Variants in YTHDC1 observed in about 807,000 individuals in gnomAD.
The protein encoded by YTHDC1 is YTH N6-methyladenosine RNA binding protein C1.
A neutral mutation model predicts 107.0 loss-of-function variants in YTHDC1; 12 were observed. The observed-to-expected ratio is 0.11, with a 90% CI of 0.07 to 0.18. The LOEUF (loss-of-function observed/expected upper bound fraction) is 0.18. Among genes scored for constraint, YTHDC1 ranks in the 10% least tolerant of loss-of-function variants. The probability of loss-of-function intolerance (pLI) is 1.00; values close to 1 mark genes in which losing one functional copy is unlikely to be tolerated. For missense variants in YTHDC1, 635 were observed against 898.8 expected (o/e 0.71, Z 3.75); for synonymous variants, 280 against 289.5 (o/e 0.97, Z 0.33).
At chr4:68,342,341 C>T (rs1440534495) in intron 1 of YTHDC1, among the ~76,000 whole-genome samples, 2 of 151,934 alleles carry the variant, frequency 1.3e-5, no homozygotes, top group East Asian at 3.9e-4. Flanking sequence ...TTACTCATTA[C>T]TATGGCAACC....
chr4:68,349,877 G>A lies in YTHDC1; in HGVS notation c.-124C>T. ...GTCCGTCTGCCCGGATACGCGCGTC[G>A]CACTTGGCCTCTTAACACTCAGCCT... On this transcript the variant is annotated 5_prime_UTR_variant, in exon 1 of 17. Transcript: ENST00000344157. 1 of 1,364,942 alleles carries A rather than the reference G, an allele frequency of 7.3e-7. No homozygotes were observed. The highest frequency in any genetic ancestry group is 1.0e-6 in the Non-Finnish European group (1 of 972,930). 84.6% of individuals were successfully genotyped at this position (1,364,942 alleles called of 1,614,324 possible). A position where few individuals can be genotyped will look rare whatever the true frequency, so the allele number is the denominator to read the frequency against.
intron 1 of YTHDC1, among the ~76,000 whole-genome samples, chr4:68,342,188 C>T (rs1283875358): frequency 6.6e-6 from 1 of 152,066 alleles, no homozygotes; most frequent in Non-Finnish European, 1.5e-5. Flanking sequence ...AGGGCTCAAC[C>T]GGGGTCTCCC....
intron 16 of YTHDC1, among the ~76,000 whole-genome samples, chr4:68,314,630 G>A (rs1426126441): frequency 2.0e-5 from 3 of 152,144 alleles, no homozygotes; most frequent in African/African-American, 4.8e-5. Context: ...CCTTCAGTAA[G>A]ATTTAGGCCA....
At chr4:68,324,093 G>A in intron 10 of YTHDC1, 46 bp downstream of exon 10, 2 of 1,517,630 alleles carry the variant, frequency 1.3e-6, no homozygotes, top group Non-Finnish European at 1.8e-6. Flanking sequence ...TCTCTAAAAG[G>A]GTTGATTAAA....
intron 9 of YTHDC1, among the ~76,000 whole-genome samples, chr4:68,325,081 AAAAT>A (rs933400664): frequency 2.5e-4 from 38 of 152,334 alleles, no homozygotes; most frequent in African/African-American, 9.1e-4. Context: ...AAATAATGCC[AAAAT>A]AAATAAACAC....
chr4:68,320,451 G>A (rs1018295365), intron 11 of YTHDC1, among the ~76,000 whole-genome samples: 2 of 152,034 alleles, frequency 1.3e-5, no homozygotes, highest in African/African-American at 2.4e-5. Flanking sequence ...TGAGAAAATT[G>A]CAGACTAGTC....
At chr4:68,341,654 CAA>C (rs1265608070) in intron 1 of YTHDC1, among the ~76,000 whole-genome samples, 1 of 151,562 alleles carries the variant, frequency 6.6e-6, no homozygotes, top group Non-Finnish European at 1.5e-5. Context: ...TGGCCCTTTA[CAA>C]AGAGTTTTGC....
chr4:68,347,804 G>A (rs534744600), intron 1 of YTHDC1, among the ~76,000 whole-genome samples: 1 of 152,240 alleles, frequency 6.6e-6, no homozygotes, highest in Non-Finnish European at 1.5e-5. Flanking sequence ...TAACTATAAA[G>A]CTAAGTGTGT....
intron 1 of YTHDC1, 44 bp downstream of exon 1, chr4:68,349,682 G>A: frequency 1.3e-6 from 2 of 1,491,236 alleles, no homozygotes; most frequent in Non-Finnish European, 1.8e-6. Flanking sequence ...CCCCACTCCC[G>A]GGCCCCAGCC....
In YTHDC1 at chr4:68,337,812, T is replaced by C. The variant is rs1724375619; in HGVS notation, c.219A>G (p.Pro73=). 2 of 1,614,112 alleles carry C rather than the reference T, an allele frequency of 1.2e-6. No individual in the cohort carries two copies. The highest frequency in any genetic ancestry group is 1.7e-5 in the Admixed American group (1 of 60,006). ...TGTTATTGCTAACAGATGAGCTCAG[T>C]GGCTTAGAAACCAGTTGTCTAGAAT... ...SVHSRQLVSK[P]LSSSVSNNKR... is the part of the protein sequence containing the mutation. The change falls in exon 3 of 17, where the codon CCA becomes CCG. Residue 73 remains proline (P), a synonymous_variant. Coordinates refer to ENST00000344157, the MANE Select transcript of YTHDC1 (RefSeq NM_001031732.4).
intron 1 of YTHDC1, among the ~76,000 whole-genome samples, chr4:68,342,409 G>A (rs146860957): frequency 4.1e-4 from 62 of 151,964 alleles, no homozygotes; most frequent in African/African-American, 1.2e-3. Context: ...CAACAGAGAC[G>A]GGAACAGGTA....
In YTHDC1 at chr4:68,311,941, G is replaced by A. The variant is rs889407091; in HGVS notation, c.*2158C>T. 6.6e-6 allele frequency: 1 copy of A among 152,126 alleles called. No homozygotes were observed. The highest frequency in any genetic ancestry group is 1.5e-5 in the Non-Finnish European group (1 of 68,042). The allele number at this position is 152,126 out of a possible 1,614,324, so 9.4% of individuals were successfully genotyped here. ...GGCAGGTGAGGTCACTTGAGGTCGA[G>A]TTTGAGACCAGCCTGGCCAACATGT... is the stretch of plus-strand genomic sequence containing the variant. On this transcript the variant is annotated 3_prime_UTR_variant, in exon 17 of 17. Transcript: ENST00000344157.
At chr4:68,333,237 A>G (rs1723785159) in intron 5 of YTHDC1, 71 bp downstream of exon 5, 3 of 1,199,770 alleles carry the variant, frequency 2.5e-6, no homozygotes, top group African/African-American at 3.1e-5. Context: ...ACACTAAACT[A>G]CAGCCTCCAC....
Position 68,313,778 on chromosome 4 carries a change from A to G in YTHDC1, c.*321T>C. 1 of 284,482 alleles carries G rather than the reference A, an allele frequency of 3.5e-6. No individual in the cohort carries two copies. The highest frequency in any genetic ancestry group is 7.3e-5 in the South Asian group (1 of 13,646). 17.6% of individuals were successfully genotyped at this position (284,482 alleles called of 1,614,324 possible). A position where few individuals can be genotyped will look rare whatever the true frequency, so the allele number is the denominator to read the frequency against. ...CAATCAAGATCCAAAAAGGAAAAAA[A>G]CAAACAAAAAAATAACTCTAGGATG... On this transcript the variant is annotated 3_prime_UTR_variant, in exon 17 of 17. Coordinates refer to ENST00000344157, the MANE Select transcript of YTHDC1 (RefSeq NM_001031732.4).
In YTHDC1 at chr4:68,312,932, C is replaced by G. The variant is rs1028841281; in HGVS notation, c.*1167G>C. 1 of 152,164 alleles carries G rather than the reference C, an allele frequency of 6.6e-6. No individual in the cohort carries two copies. Among genetic ancestry groups the G allele is most frequent in the African/African-American group, 2.4e-5 (1 of 41,452 alleles). 9.4% of individuals were successfully genotyped at this position (152,164 alleles called of 1,614,324 possible). On this transcript the variant is annotated 3_prime_UTR_variant, in exon 17 of 17. Transcript: ENST00000344157. The stretch of plus-strand genomic sequence containing the variant: ...GTTGGTTACCACTGGGAGAACTGGA[C>G]AGTTAACTTAAAATACAGAACTAAT...
In YTHDC1 at chr4:68,312,019, T is replaced by C; in HGVS notation, c.*2080A>G. On this transcript the variant is annotated 3_prime_UTR_variant, in exon 17 of 17. Transcript: ENST00000344157. ...AAAATTAGCGGGGTGTGGTGGTGGG[T>C]GCCTGTAGTCCCAGCCATTCGGGAG... is the stretch of plus-strand genomic sequence containing the variant. 1 of 152,176 alleles carries C rather than the reference T, an allele frequency of 6.6e-6. No individual in the cohort carries two copies. Among genetic ancestry groups the C allele is most frequent in the Non-Finnish European group, 1.5e-5 (1 of 68,014 alleles). The allele number at this position is 152,176 out of a possible 1,614,324, so 9.4% of individuals were successfully genotyped here. A position where few individuals can be genotyped will look rare whatever the true frequency, so the allele number is the denominator to read the frequency against.
chr4:68,340,143 G>A (rs1293674671), intron 1 of YTHDC1, among the ~76,000 whole-genome samples: 1 of 152,084 alleles, frequency 6.6e-6, no homozygotes, highest in Non-Finnish European at 1.5e-5. Flanking sequence ...TAATTAACCT[G>A]GGGGCTATAA....
At chr4:68,328,622 G>T (rs1723244292) in intron 9 of YTHDC1, among the ~76,000 whole-genome samples, 1 of 152,096 alleles carries the variant, frequency 6.6e-6, no homozygotes, top group Non-Finnish European at 1.5e-5. Context: ...CTATTTCAAA[G>T]AATTTAGATG....
At chr4:68,337,535 T>C (rs367583173) in intron 3 of YTHDC1, 37 bp downstream of exon 3, 17 of 1,583,312 alleles carry the variant, frequency 1.1e-5, no homozygotes, top group African/African-American at 5.5e-5. Context: ...TCAAAAAGAA[T>C]GGCTTTCTGT....
Sources: gnomAD v4.1 joint callset for allele counts (sites outside exome capture counted in the v4.1 genomes callset) on GRCh38, gnomAD v4.1.1 for gene constraint, MANE v1.5 for transcripts, NCBI Gene and HGNC (gene_info 2026-07-23, HGNC 2026-07-21) for gene names.